The following HIP1 variants were observed in gnomAD, a reference collection of about 807,000 sequenced individuals.
HIP1 encodes huntingtin-interacting protein 1.
A neutral mutation model predicts 147.6 loss-of-function variants in HIP1; 65 were observed. That is an observed-to-expected ratio of 0.44 (90% CI 0.36 to 0.54). The LOEUF (loss-of-function observed/expected upper bound fraction) is 0.54, where lower values mean the gene tolerates loss of function less well. HIP1 is among the 20% of genes least tolerant of loss of function. The probability of loss-of-function intolerance (pLI) is 0.00; values close to 1 mark genes in which losing one functional copy is unlikely to be tolerated. For missense variants in HIP1, 1,061 were observed against 1,299.6 expected, an observed-to-expected ratio of 0.82 and a Z score of 2.82; for synonymous variants, 479 against 504.0, an observed-to-expected ratio of 0.95 and a Z score of 0.67.
chr7:75,599,246 G>A lies in HIP1; in HGVS notation c.122C>T (p.Thr41Ile), dbSNP rs781959806. 5 of 1,610,540 alleles carry A rather than the reference G, an allele frequency of 3.1e-6. No homozygotes were observed. Among genetic ancestry groups the A allele is most frequent in the Non-Finnish European group, 3.4e-6 (4 of 1,176,728 alleles). ...ATTAATGGCCTTATTGATGCTGACA[G>A]TCTGAAAAACAAGAAGGGGGGAGGG... ...AERESFERTQ[T>I]VSINKAINTQ... is the part of the protein sequence containing the mutation. Residue 41 changes from threonine (T) to isoleucine (I), a missense_variant and splice_region_variant, in exon 2 of 31, where the codon ACT becomes ATT. By Grantham distance (89) the Thr-to-Ile change is moderately conservative. This residue lies in a region of HIP1 where 225 missense variants were observed against 292.9 expected (regional missense o/e 0.77). Coordinates refer to ENST00000336926, the MANE Select transcript of HIP1 (RefSeq NM_005338.7).
intron 1 of HIP1, among the ~76,000 whole-genome samples, chr7:75,676,934 C>T (rs1229445328): frequency 6.6e-6 from 1 of 152,094 alleles, no homozygotes; most frequent in Non-Finnish European, 1.5e-5. Context: ...GGGGCTCACA[C>T]CTGTAACCCC....
At chr7:75,642,055 C>T (rs1798668668) in intron 1 of HIP1, among the ~76,000 whole-genome samples, 1 of 152,104 alleles carries the variant, frequency 6.6e-6, no homozygotes, top group Non-Finnish European at 1.5e-5. Context: ...ATCCTATACA[C>T]ATCTAATTGT....
intron 1 of HIP1, among the ~76,000 whole-genome samples, chr7:75,673,544 A>G (rs797038983): frequency 2.6e-5 from 4 of 152,164 alleles, no homozygotes; most frequent in African/African-American, 9.6e-5. Flanking sequence ...GTCTTCTTTA[A>G]TTTCTTCCAA....
chr7:75,663,211 C>CAGT (rs1202131185), intron 1 of HIP1, among the ~76,000 whole-genome samples: 1 of 152,184 alleles, frequency 6.6e-6, no homozygotes, highest in Non-Finnish European at 1.5e-5. Flanking sequence ...AGGTGTGTGC[C>CAGT]AGGCCAGTAG....
Position 75,559,880 on chromosome 7 carries a change from G to A in HIP1, c.1227C>T (p.Val409=), listed in dbSNP as rs1554494246. ...QRVVLQLKGH[V]SELEADLAEQ... ...CGGCCAGATCTGCTTCCAGCTCGCT[G>A]ACGTGGCCCTTCAGCTGCAGCACAA... Residue 409 remains valine (V), a synonymous_variant, in exon 14 of 31, where the codon GTC becomes GTT. Transcript: ENST00000336926. 6.2e-7 allele frequency: 1 copy of A among 1,610,372 alleles called. No homozygotes were observed.
intron 1 of HIP1, among the ~76,000 whole-genome samples, chr7:75,679,662 C>T (rs932192563): frequency 1.1e-5 from 1 of 92,020 alleles, no homozygotes; most frequent in Admixed American, 1.2e-4. Flanking sequence ...GGTTTCCCTC[C>T]TTTCTCTATT....
At chr7:75,605,034 T>A (rs1206823792) in intron 1 of HIP1, among the ~76,000 whole-genome samples, 1 of 152,136 alleles carries the variant, frequency 6.6e-6, no homozygotes, top group Non-Finnish European at 1.5e-5. Context: ...ACTGAGACAC[T>A]GCTCAAGGAA....
Position 75,592,354 on chromosome 7 carries a change from A to G in HIP1, c.327+18T>C, listed in dbSNP as rs1033045589. 6 of 1,595,254 alleles carry G rather than the reference A, an allele frequency of 3.8e-6. No individual in the cohort carries two copies. The African/African-American group carries it at 8.1e-5, about 22-fold the overall frequency. ...AGGATCCCTGGCTCCCTGCCACCCC[A>G]TAGCCCCAGGAACTCACGTTCGGGT... is the stretch of plus-strand genomic sequence containing the variant. On this transcript the variant is annotated intron_variant, in intron 3 of 30. Transcript: ENST00000336926.
chr7:75,544,729 GCAA>G lies in HIP1; in HGVS notation c.2729_2731del (p.Ile910_Ala911delinsThr). On this transcript the variant is annotated inframe_deletion, in exon 27 of 31. Transcript: ENST00000336926. ...AGCCACAAGCTGGGCTGTGCTAGCA[GCAA>G]TTTCATGAGAACACACCATTAGCTC... 6.2e-7 allele frequency: 1 copy of G among 1,613,440 alleles called. No individual in the cohort carries two copies. The highest frequency in any genetic ancestry group is 8.5e-7 in the Non-Finnish European group (1 of 1,179,334).
chr7:75,560,038 C>T (rs1040819971), intron 13 of HIP1, 123 bp from the exon 14 acceptor site: 7 of 965,912 alleles, frequency 7.2e-6, no homozygotes, highest in Middle Eastern at 3.3e-4. Flanking sequence ...CAACTCTCCA[C>T]GTCCCAGGAG....
intron 1 of HIP1, among the ~76,000 whole-genome samples, chr7:75,679,759 C>A (rs1554516589): frequency 6.6e-6 from 1 of 152,132 alleles, no homozygotes; most frequent in African/African-American, 2.4e-5. Flanking sequence ...CCTCTGCACT[C>A]TCTCCCTTGG....
rs1563218440 is a variant in HIP1 at position 75,581,218 on chromosome 7, C to CG, written c.604+18dup. 6.3e-7 allele frequency: 1 copy of CG among 1,592,358 alleles called. No individual in the cohort carries two copies. Among genetic ancestry groups the CG allele is most frequent in the South Asian group, 1.1e-5 (1 of 89,470 alleles). ...AGTTCCCATGAGAGCCTGGGTTAGA[C>CG]GGGAGGGAAGAGACTCACCTGTTTG... is the stretch of plus-strand genomic sequence containing the variant. On this transcript the variant is annotated intron_variant, in intron 7 of 30. Transcript: ENST00000336926.
At chr7:75,596,995 G>C (rs1268881222) in intron 2 of HIP1, among the ~76,000 whole-genome samples, 1 of 152,194 alleles carries the variant, frequency 6.6e-6, no homozygotes, top group East Asian at 1.9e-4. Context: ...TCAGGGCTGA[G>C]TCATTTCCTC....
intron 1 of HIP1, among the ~76,000 whole-genome samples, chr7:75,642,522 G>A (rs1478104864): frequency 2.0e-5 from 3 of 152,142 alleles, no homozygotes; most frequent in Non-Finnish European, 4.4e-5. Flanking sequence ...GCCACAGAGT[G>A]AGACTCTGTC....
chr7:75,722,640 C>T lies in HIP1; in HGVS notation c.120+16161G>A, dbSNP rs532882056. Among the ~76,000 whole-genome samples the T allele has an allele frequency of 1.1e-4, 17 of 152,294 alleles. 1 individual carries two copies. Among genetic ancestry groups the T allele is most frequent in the Admixed American group, 1.1e-3 (17 of 15,282 alleles). On this transcript the variant is annotated intron_variant, in intron 1 of 30. Coordinates refer to ENST00000336926, the MANE Select transcript of HIP1 (RefSeq NM_005338.7). The stretch of plus-strand genomic sequence containing the variant: ...GGAAGCACCTATTTACTTCCCGTTC[C>T]ATTTCCTAGCTGTAAGCTCTCTTTC...
chr7:75,605,823 C>T (rs782380663), intron 1 of HIP1, among the ~76,000 whole-genome samples: 8 of 152,020 alleles, frequency 5.3e-5, no homozygotes, highest in Non-Finnish European at 8.8e-5. Context: ...CGTGAGCTAC[C>T]GCGCCTGGCT....
Position 75,559,918 on chromosome 7 carries a change from G to GA in HIP1, c.1192-4_1192-3insT, listed in dbSNP as rs1554494255. The GA allele has an allele frequency of 6.3e-7, 1 of 1,595,214 alleles. No homozygotes were observed. Among genetic ancestry groups the GA allele is most frequent in the Non-Finnish European group, 8.5e-7 (1 of 1,172,886 alleles). On this transcript the variant is annotated splice_polypyrimidine_tract_variant and splice_region_variant and intron_variant, in intron 13 of 30. Coordinates refer to ENST00000336926, the MANE Select transcript of HIP1 (RefSeq NM_005338.7). ...AGCTGCAGCACAACCCGCTGGCTCT[G>GA]TGGGGGGACTCCGGTCATGAGGCCA...
chr7:75,547,100 T>G, intron 24 of HIP1, 68 bp from the exon 25 acceptor site: 6 of 1,306,762 alleles, frequency 4.6e-6, no homozygotes, highest in Non-Finnish European at 6.5e-6. Flanking sequence ...GACGGTTCTC[T>G]TCCCCACTCC....
chr7:75,572,973 G>T lies in HIP1; in HGVS notation c.745+788C>A, dbSNP rs182794661. Among the ~76,000 whole-genome samples the T allele has an allele frequency of 8.7e-4, 132 of 152,356 alleles. 1 individual carries two copies. The highest frequency in any genetic ancestry group is 1.0e-3 in the Non-Finnish European group (71 of 68,036). Reference sequence around the variant, plus strand: ...TGTCGGCACCCACTCTGATCTTAGAGCAAAGTTGGGGCTGAGCCCTGTTGC... The same window carrying T: ...TGTCGGCACCCACTCTGATCTTAGATCAAAGTTGGGGCTGAGCCCTGTTGC... On this transcript the variant is annotated intron_variant, in intron 8 of 30. Transcript: ENST00000336926.
Sources: allele counts gnomAD v4.1 joint callset (sites outside exome capture counted in the v4.1 genomes callset), GRCh38; gene constraint gnomAD v4.1.1; regional missense constraint gnomAD v4.1.1; transcripts MANE v1.5; gene names NCBI Gene and HGNC (gene_info 2026-07-23, HGNC 2026-07-21).